AASDH: variants seen among roughly 807,000 people sequenced by gnomAD.
The protein encoded by AASDH is beta-alanine-activating enzyme.
Under a neutral mutation model 102.3 loss-of-function variants are expected in AASDH, and 81 were observed. That is an observed-to-expected ratio of 0.79 (90% CI 0.66 to 0.95). AASDH has a LOEUF of 0.95. Ranked by LOEUF, AASDH falls within the 40% of genes least tolerant of loss-of-function variation. AASDH has a pLI of 0.00. For missense variants in AASDH, 1,203 were observed against 1,266.2 expected (o/e 0.95, Z 0.76); for synonymous variants, 398 against 454.0 (o/e 0.88, Z 1.57).
Position 56,378,142 on chromosome 4 carries a change from A to G in AASDH, c.668+6T>C. ...TTCTGAGAAAGAGTCAAAGACTAGA[A>G]CTTACCGAAAATGCTGGATATTTGG... is the stretch of plus-strand genomic sequence containing the variant. On this transcript the variant is annotated splice_donor_region_variant and intron_variant, in intron 4 of 14. Transcript: ENST00000205214. 1 of 1,592,772 alleles carries G rather than the reference A, an allele frequency of 6.3e-7. No homozygotes were observed. Among genetic ancestry groups the G allele is most frequent in the South Asian group, 1.1e-5 (1 of 87,088 alleles).
intron 5 of AASDH, among the ~76,000 whole-genome samples, chr4:56,365,672 G>A (rs1578022780): frequency 6.6e-6 from 1 of 152,088 alleles, no homozygotes; most frequent in Non-Finnish European, 1.5e-5. Context: ...TGAAACCAAC[G>A]AGAACAAAGA....
At chr4:56,367,008 G>A (rs1016978826) in intron 5 of AASDH, among the ~76,000 whole-genome samples, 40 of 152,216 alleles carry the variant, frequency 2.6e-4, no homozygotes, top group Non-Finnish European at 4.4e-4. Context: ...AAGCTGATAA[G>A]CAACTTCAGC....
Position 56,382,572 on chromosome 4 carries a change from C to T in AASDH, c.256G>A (p.Val86Ile). 6.2e-7 allele frequency: 1 copy of T among 1,610,006 alleles called. No homozygotes were observed. The highest frequency in any genetic ancestry group is 8.5e-7 in the Non-Finnish European group (1 of 1,178,872). The change falls in exon 3 of 15, where the codon GTA (valine) becomes ATA (isoleucine). Residue 86 changes from valine (V) to isoleucine (I), a missense_variant. Coordinates refer to ENST00000205214, the MANE Select transcript of AASDH (RefSeq NM_181806.4). ...GGTGGTGAATCTGGCTCGATAGGTA[C>T]ATAAGCAGCCGGGACTTGGAGAATT... ...LGILQVPAAY[V>I]PIEPDSPPSL...
In AASDH at chr4:56,353,600, T is replaced by C; in HGVS notation, c.1384-4A>G. 1.3e-6 allele frequency: 2 copies of C among 1,581,098 alleles called. No homozygotes were observed. Among genetic ancestry groups the C allele is most frequent in the Non-Finnish European group, 1.7e-6 (2 of 1,171,314 alleles). On this transcript the variant is annotated splice_region_variant and splice_polypyrimidine_tract_variant and intron_variant, in intron 8 of 14. Transcript: ENST00000205214. The stretch of plus-strand genomic sequence containing the variant: ...CTTGCTGAAGCTCTTCAGCAACCTA[T>C]AAGAGAGATTATCCTAATTTGCCAA...
At chr4:56,381,682 G>T (rs562473342) in intron 3 of AASDH, 1 of 74,482 alleles carries the variant, frequency 1.3e-5, no homozygotes, top group African/African-American at 5.6e-5. Flanking sequence ...CACACAGTTG[G>T]GGGGGGTGAA....
chr4:56,342,906 A>T lies in AASDH; in HGVS notation c.2836T>A (p.Cys946Ser). 1 of 1,596,192 alleles carries T rather than the reference A, an allele frequency of 6.3e-7. No individual in the cohort carries two copies. Among genetic ancestry groups the T allele is most frequent in the Non-Finnish European group, 8.5e-7 (1 of 1,171,386 alleles). ...CCAATACAAATATACTGTGAGCAAC[A>T]TTGTGGGGAAGAGAAGAGTGGTTTT... ...CGKPLFSSPQ[C>S]CSQYICIGCV... Residue 946 changes from cysteine (C) to serine (S), a missense_variant, in exon 14 of 15, where the codon TGT (cysteine) becomes AGT (serine). Physicochemically the swap from Cys to Ser is moderately radical, Grantham distance 112. Transcript: ENST00000205214.
chr4:56,368,000 A>G (rs544717733), intron 5 of AASDH, among the ~76,000 whole-genome samples: 1 of 152,328 alleles, frequency 6.6e-6, no homozygotes, highest in East Asian at 1.9e-4. Context: ...AGAATCTACA[A>G]TGAACTCAAA....
intron 3 of AASDH, 157 bp downstream of exon 3, chr4:56,382,320 T>G: frequency 1.4e-6 from 1 of 712,790 alleles, no homozygotes. Context: ...GGAACACTCC[T>G]CACAACAATT....
intron 5 of AASDH, among the ~76,000 whole-genome samples, chr4:56,365,105 A>G (rs1750823211): frequency 6.6e-6 from 1 of 152,214 alleles, no homozygotes; most frequent in Non-Finnish European, 1.5e-5. Context: ...ACCAACAAAG[A>G]TCAAAAGAGA....
intron 5 of AASDH, among the ~76,000 whole-genome samples, chr4:56,360,674 T>C (rs1305877274): frequency 6.6e-6 from 1 of 152,242 alleles, no homozygotes; most frequent in African/African-American, 2.4e-5. Flanking sequence ...AGATAATCTG[T>C]TAATCTCTTC....
rs540156467 is a variant in AASDH, at chr4:56,383,842, C to T, written c.230+228G>A. ...CCCTTACATTTTGGAGATACTTATA[C>T]GTTCTATTAGTGAAAGCTTCTAGTC... On this transcript the variant is annotated intron_variant, in intron 2 of 14. Transcript: ENST00000205214. Among the ~76,000 whole-genome samples the T allele has an allele frequency of 2.0e-5, 3 of 152,148 alleles. No individual in the cohort carries two copies. In the East Asian group the frequency reaches 5.8e-4, roughly 29 times the overall value.
At chr4:56,382,619 C>T in intron 2 of AASDH, 22 bp from the exon 3 acceptor site, 1 of 1,599,020 alleles carries the variant, frequency 6.3e-7, no homozygotes, top group South Asian at 1.2e-5. Context: ...AGTACACAGT[C>T]AGCATAGAAT....
chr4:56,363,618 G>C (rs1207096313), intron 5 of AASDH, among the ~76,000 whole-genome samples: 1 of 152,182 alleles, frequency 6.6e-6, no homozygotes, highest in Non-Finnish European at 1.5e-5. Flanking sequence ...ACAGGGTCTG[G>C]AGTGGACCTC....
At chr4:56,384,981 G>A (rs1163651361) in intron 1 of AASDH, among the ~76,000 whole-genome samples, 1 of 152,176 alleles carries the variant, frequency 6.6e-6, no homozygotes, top group African/African-American at 2.4e-5. Context: ...GGGTGAGGCA[G>A]GCGAATCACT....
At chr4:56,356,122 C>G (rs1749606008) in intron 5 of AASDH, 1 of 632,762 alleles carries the variant, frequency 1.6e-6, no homozygotes, top group Admixed American at 2.7e-5. Flanking sequence ...GCTCTCTCCT[C>G]CCGCCGTCCA....
At chr4:56,355,064 T>G in intron 6 of AASDH, 118 bp downstream of exon 6, 1 of 1,262,138 alleles carries the variant, frequency 7.9e-7, no homozygotes, top group Non-Finnish European at 1.1e-6. Context: ...ACTTAAAATA[T>G]CAGATACAAT....
intron 4 of AASDH, among the ~76,000 whole-genome samples, chr4:56,377,932 G>A (rs1752538661): frequency 1.3e-5 from 2 of 152,064 alleles, no homozygotes; most frequent in African/African-American, 2.4e-5. Flanking sequence ...AGCCTCTCCA[G>A]TACCTGGTAT....
At chr4:56,368,725 G>C (rs184803188) in intron 5 of AASDH, among the ~76,000 whole-genome samples, 2 of 118,564 alleles carry the variant, frequency 1.7e-5, no homozygotes, top group Non-Finnish European at 3.5e-5. Context: ...TTTGTGGGGT[G>C]GGGGGAGGGG....
chr4:56,374,653 A>T (rs1237771079), intron 4 of AASDH, among the ~76,000 whole-genome samples: 2 of 152,216 alleles, frequency 1.3e-5, no homozygotes, highest in African/African-American at 4.8e-5. Context: ...GAACAAATAA[A>T]TTTACAAATA....
Sources: allele counts gnomAD v4.1 joint callset (sites outside exome capture counted in the v4.1 genomes callset), GRCh38; gene constraint gnomAD v4.1.1; transcripts MANE v1.5; gene names NCBI Gene and HGNC (gene_info 2026-07-23, HGNC 2026-07-21).